Variants in MIER1 observed in about 807,000 individuals in gnomAD.
MIER1 encodes mesoderm induction early response protein 1.
MIER1 carries 40 observed loss-of-function variants against 75.7 expected under a neutral mutation model. That is an observed-to-expected ratio of 0.53 (90% CI 0.41 to 0.69). The LOEUF (loss-of-function observed/expected upper bound fraction) is 0.69, where lower values mean the gene tolerates loss of function less well. Among genes scored for constraint, MIER1 ranks in the 30% least tolerant of loss-of-function variants. MIER1 has a pLI of 0.00. For missense variants in MIER1, 574 were observed against 680.2 expected (o/e 0.84, Z 1.74); for synonymous variants, 213 against 223.4 (o/e 0.95, Z 0.42).
rs528866122 is a variant in MIER1 at position 66,937,616 on chromosome 1, A to G, written c.169-2412A>G. Among the ~76,000 whole-genome samples the G allele has an allele frequency of 7.2e-5, 11 of 152,278 alleles. No homozygotes were observed. In the South Asian group the frequency reaches 2.1e-3, roughly 29 times the overall value. Reference sequence around the variant, plus strand: ...AAGAAAAGAAAAGAAAATGTGTAGCACTATATGAATGTAAGCTGGATGTAC... The same window carrying G: ...AAGAAAAGAAAAGAAAATGTGTAGCGCTATATGAATGTAAGCTGGATGTAC... On this transcript the variant is annotated intron_variant, in intron 2 of 13. Transcript: ENST00000401041.
At chr1:66,971,007 A>AT (rs1197074792) in intron 9 of MIER1, 48 bp downstream of exon 9, 1 of 1,478,026 alleles carries the variant, frequency 6.8e-7, no homozygotes, top group Non-Finnish European at 9.0e-7. Flanking sequence ...ACATTTATAC[A>AT]TGTAAATGCT....
At chr1:66,948,901 A>G (rs1430464636) in intron 4 of MIER1, among the ~76,000 whole-genome samples, 3 of 152,142 alleles carry the variant, frequency 2.0e-5, no homozygotes, top group African/African-American at 7.2e-5. Flanking sequence ...TGTTACTACT[A>G]TTTACCCTGT....
chr1:66,984,995 G>A lies in MIER1; in HGVS notation c.*95G>A. The A allele has an allele frequency of 7.0e-7, 1 of 1,437,508 alleles. No homozygotes were observed. Among genetic ancestry groups the A allele is most frequent in the South Asian group, 1.6e-5 (1 of 61,744 alleles). 89.0% of individuals were successfully genotyped at this position (1,437,508 alleles called of 1,614,324 possible). On this transcript the variant is annotated 3_prime_UTR_variant, in exon 14 of 14. Transcript: ENST00000401041. ...ACCTTAAAAAGTTGATTTCCTTGAA[G>A]CAGTTTGAAAATTTGAATTGAGTCT...
chr1:66,948,320 A>T (rs1184486329), intron 4 of MIER1: 2 of 673,048 alleles, frequency 3.0e-6, no homozygotes, highest in Admixed American at 1.3e-4. Context: ...GGAATACATA[A>T]TATCATGAAA....
chr1:66,968,804 T>G (rs1466804511), intron 8 of MIER1, among the ~76,000 whole-genome samples: 1 of 152,208 alleles, frequency 6.6e-6, no homozygotes, highest in Non-Finnish European at 1.5e-5. Context: ...CCACAGTGTA[T>G]TTTAACCTTT....
At chr1:66,926,296 G>C in intron 2 of MIER1, 54 bp downstream of exon 2, 2 of 1,311,076 alleles carry the variant, frequency 1.5e-6, no homozygotes. Context: ...ACTCCCTCAA[G>C]TAATATAAGA....
intron 8 of MIER1, among the ~76,000 whole-genome samples, chr1:66,968,907 G>A (rs1031804442): frequency 2.0e-5 from 3 of 152,166 alleles, no homozygotes; most frequent in African/African-American, 7.2e-5. Context: ...GAATAGGTGG[G>A]TGAATTATTT....
At chr1:66,950,442 A>G (rs757311050) in intron 4 of MIER1, among the ~76,000 whole-genome samples, 34 of 152,076 alleles carry the variant, frequency 2.2e-4, no homozygotes, top group Non-Finnish European at 3.8e-4. Flanking sequence ...AAATAGAAAC[A>G]CTCTAGTTTA....
At chr1:66,962,555 T>C (rs1271095383) in intron 7 of MIER1, among the ~76,000 whole-genome samples, 1 of 152,108 alleles carries the variant, frequency 6.6e-6, no homozygotes, top group East Asian at 1.9e-4. Flanking sequence ...TGGTGGCATG[T>C]GCCTGTAGTC....
At chr1:66,961,156 GT>G (rs1364935678) in intron 7 of MIER1, among the ~76,000 whole-genome samples, 2 of 152,042 alleles carry the variant, frequency 1.3e-5, no homozygotes. Flanking sequence ...AATGCAGATT[GT>G]TTTCTTTCAG....
At chr1:66,946,125 A>G (rs1278487476) in intron 3 of MIER1, 25 bp from the exon 4 acceptor site, 4 of 1,579,386 alleles carry the variant, frequency 2.5e-6, no homozygotes, top group Non-Finnish European at 3.4e-6. Flanking sequence ...TGGTTTACCA[A>G]ACTTTTTGAA....
rs1296881682 is a variant in MIER1, at chr1:66,958,077, C to T, written c.358C>T (p.His120Tyr). The T allele has an allele frequency of 6.3e-7, 1 of 1,587,892 alleles. No individual in the cohort carries two copies. The highest frequency in any genetic ancestry group is 1.8e-5 in the Admixed American group (1 of 57,142). ...TATTTAGGAAGGCGACATGCCAATT[C>T]ATGAACTTCTCAGCCTTTATGGTTA... ...DLAREGDMPI[H>Y]ELLSLYGYGS... The change falls in exon 5 of 14, where the codon CAT becomes TAT. Residue 120 changes from histidine to tyrosine, a missense_variant. This residue lies in a region of MIER1 where 309 missense variants were observed against 352.8 expected (regional missense o/e 0.88). Transcript: ENST00000401041.
intron 13 of MIER1, among the ~76,000 whole-genome samples, chr1:66,984,220 G>T (rs1192648802): frequency 1.3e-5 from 2 of 151,636 alleles, no homozygotes; most frequent in African/African-American, 4.9e-5. Flanking sequence ...ATTCAGCTTA[G>T]TTAGACTGCT....
chr1:66,932,864 C>G (rs1432394445), intron 2 of MIER1: 3 of 151,954 alleles, frequency 2.0e-5, no homozygotes, highest in Non-Finnish European at 4.4e-5. Flanking sequence ...AAAATTGATG[C>G]TTCCTACAAG....
intron 8 of MIER1, among the ~76,000 whole-genome samples, chr1:66,964,448 CTT>C (rs71058483): frequency 8.3e-6 from 1 of 119,796 alleles, no homozygotes; most frequent in Middle Eastern, 4.5e-3. Context: ...TGTATGTTTC[CTT>C]TTTTTTTTTT....
chr1:66,984,715 A>AC lies in MIER1; in HGVS notation c.1515dup (p.Thr506HisfsTer2), dbSNP rs1261908635. 6.2e-7 allele frequency: 1 copy of AC among 1,614,044 alleles called. No individual in the cohort carries two copies. Among genetic ancestry groups the AC allele is most frequent in the South Asian group, 1.1e-5 (1 of 91,080 alleles). ...TAATGGTTATGAAACAGATAACCTT[A>AC]CCACTGACCCAAAACTTGCCCATAT... On this transcript the variant is annotated frameshift_variant, in exon 14 of 14. Coordinates refer to ENST00000401041, the MANE Select transcript of MIER1 (RefSeq NM_001077700.3). LOFTEE classifies it high-confidence loss of function.
chr1:66,925,327 A>G, intron 1 of MIER1: 1 of 985,260 alleles, frequency 1.0e-6, no homozygotes, highest in Non-Finnish European at 1.2e-6. Flanking sequence ...ACTGCCTCCC[A>G]GCGCCGCCTT....
At chr1:66,949,056 G>A (rs921420136) in intron 4 of MIER1, among the ~76,000 whole-genome samples, 1 of 152,152 alleles carries the variant, frequency 6.6e-6, no homozygotes, top group Non-Finnish European at 1.5e-5. Flanking sequence ...GTCACTTCAT[G>A]TATTTGTGAA....
chr1:66,973,889 T>C (rs1664176738), intron 11 of MIER1, among the ~76,000 whole-genome samples: 1 of 152,144 alleles, frequency 6.6e-6, no homozygotes, highest in Admixed American at 6.5e-5. Flanking sequence ...GTCCAGGACC[T>C]TGTTGAAAGT....
Sources: allele counts gnomAD v4.1 joint callset (sites outside exome capture counted in the v4.1 genomes callset), GRCh38; gene constraint gnomAD v4.1.1; regional missense constraint gnomAD v4.1.1; transcripts MANE v1.5; gene names NCBI Gene and HGNC (gene_info 2026-07-23, HGNC 2026-07-21).